Variants in WDR55 observed in about 807,000 individuals in gnomAD.
WDR55 encodes WD repeat-containing protein 55.
Under a neutral mutation model 34.0 loss-of-function variants are expected in WDR55, and 31 were observed. The ratio of observed to expected loss-of-function variants is 0.91; its 90% CI spans 0.69 to 1.23. The LOEUF (loss-of-function observed/expected upper bound fraction) is 1.23. WDR55 is among the 50% of genes most tolerant of loss of function. The probability of loss-of-function intolerance (pLI) is 0.00; values close to 1 mark genes in which losing one functional copy is unlikely to be tolerated. For synonymous variants in WDR55, 164 were observed against 185.9 expected, an observed-to-expected ratio of 0.88 and a Z score of 0.96; for missense variants, 440 against 494.6, an observed-to-expected ratio of 0.89 and a Z score of 1.05.
At chr5:140,666,437 T>A (rs566105245) in intron 1 of WDR55, 1 of 167,138 alleles carries the variant, frequency 6.0e-6, no homozygotes, top group East Asian at 1.9e-4. Context: ...GCATGTGCTA[T>A]TCTGTCCGGA....
Position 140,668,405 on chromosome 5 carries a change from T to C in WDR55, c.293-10T>C. The stretch of plus-strand genomic sequence containing the variant: ...TGAGCAGCACCATGACCTGGGCACC[T>C]TTTCCCCAGAGCTCATTACTGTCTC... On this transcript the variant is annotated splice_polypyrimidine_tract_variant and intron_variant, in intron 2 of 6. Coordinates refer to ENST00000358337, the MANE Select transcript of WDR55 (RefSeq NM_017706.5). 1 of 1,614,094 alleles carries C rather than the reference T, an allele frequency of 6.2e-7. No individual in the cohort carries two copies. The highest frequency in any genetic ancestry group is 8.5e-7 in the Non-Finnish European group (1 of 1,180,012).
In WDR55 at chr5:140,669,645, C is replaced by T. The variant is rs984775806; in HGVS notation, c.1143C>T (p.Asp381=). 6.2e-7 allele frequency: 1 copy of T among 1,612,250 alleles called. No homozygotes were observed. Among genetic ancestry groups the T allele is most frequent in the Non-Finnish European group, 8.5e-7 (1 of 1,178,880 alleles). Residue 381 remains aspartate (D), a synonymous_variant, in exon 7 of 7, where the codon GAC becomes GAT. Coordinates refer to ENST00000358337, the MANE Select transcript of WDR55 (RefSeq NM_017706.5). ...AQEEKEETGD[D]SD ...AAGAAAAGGAGGAGACTGGGGATGA[C>T]AGTGACTGAAGGAATGAATTGAATC... is the stretch of plus-strand genomic sequence containing the variant.
chr5:140,669,594 A>AG lies in WDR55; in HGVS notation c.1093dup (p.Glu365GlyfsTer17). The AG allele has an allele frequency of 6.2e-7, 1 of 1,614,162 alleles. No homozygotes were observed. The highest frequency in any genetic ancestry group is 8.5e-7 in the Non-Finnish European group (1 of 1,180,012). On this transcript the variant is annotated frameshift_variant, in exon 7 of 7. Coordinates refer to ENST00000358337, the MANE Select transcript of WDR55 (RefSeq NM_017706.5). LOFTEE classifies it high-confidence loss of function. ...ATGACTTCTTCGCAGGACTGAGGGAAGAGGGAGAAGACTCCATGGCTCAGG... is the reference window on the plus strand; with the variant it reads ...ATGACTTCTTCGCAGGACTGAGGGAAGGAGGGAGAAGACTCCATGGCTCAGG...
rs929116535 is a variant in WDR55 at position 140,671,219 on chromosome 5, C to G, written c.*1565C>G. On this transcript the variant is annotated 3_prime_UTR_variant, in exon 7 of 7. Coordinates refer to ENST00000358337, the MANE Select transcript of WDR55 (RefSeq NM_017706.5). ...ACCTTTGGGGGTCAGAAAGTGGCCACCCAGGCCTGCTGGGATGGGGCCTGA... is the reference window on the plus strand; with the variant it reads ...ACCTTTGGGGGTCAGAAAGTGGCCAGCCAGGCCTGCTGGGATGGGGCCTGA... The G allele has an allele frequency of 1.3e-6, 2 of 1,596,970 alleles. No homozygotes were observed. Among genetic ancestry groups the G allele is most frequent in the African/African-American group, 2.7e-5 (2 of 74,616 alleles).
At chr5:140,665,158 C>G in intron 1 of WDR55, 55 bp downstream of exon 1, 2 of 1,504,434 alleles carry the variant, frequency 1.3e-6, no homozygotes, top group Non-Finnish European at 1.8e-6. Context: ...GGGGGTGGAC[C>G]TGGGAACAGG....
chr5:140,669,680 G>T lies in WDR55; in HGVS notation c.*26G>T, dbSNP rs1291735620. 6.3e-7 allele frequency: 1 copy of T among 1,591,488 alleles called. No individual in the cohort carries two copies. The highest frequency in any genetic ancestry group is 8.6e-7 in the Non-Finnish European group (1 of 1,166,214). ...AGGAATGAATTGAATCTTGAGACGGGTCCTCACCAGGCAAGAGTCTTGCTT... is the reference window on the plus strand; with the variant it reads ...AGGAATGAATTGAATCTTGAGACGGTTCCTCACCAGGCAAGAGTCTTGCTT... On this transcript the variant is annotated 3_prime_UTR_variant, in exon 7 of 7. Coordinates refer to ENST00000358337, the MANE Select transcript of WDR55 (RefSeq NM_017706.5).
rs1758025558 is a variant in WDR55 at position 140,669,716 on chromosome 5, A to T, written c.*62A>T. The T allele has an allele frequency of 2.1e-6, 3 of 1,461,284 alleles. No homozygotes were observed. The highest frequency in any genetic ancestry group is 2.8e-6 in the Non-Finnish European group (3 of 1,074,934). The allele number at this position is 1,461,284 out of a possible 1,614,324, so 90.5% of individuals were successfully genotyped here. A position where few individuals can be genotyped will look rare whatever the true frequency, so the allele number is the denominator to read the frequency against. On this transcript the variant is annotated 3_prime_UTR_variant, in exon 7 of 7. Transcript: ENST00000358337. ...GCAAGAGTCTTGCTTATTGGGCTGC[A>T]TCCCCAGAGAGGATATGAATTATTT...
At chr5:140,665,243 T>C in intron 1 of WDR55, 140 bp downstream of exon 1, 1 of 715,978 alleles carries the variant, frequency 1.4e-6, no homozygotes, top group South Asian at 2.0e-5. Context: ...AACATTCGGC[T>C]CTTCTATCAC....
chr5:140,666,769 C>G (rs912525227), intron 1 of WDR55: 4 of 985,242 alleles, frequency 4.1e-6, no homozygotes, highest in Non-Finnish European at 4.8e-6. Context: ...AAATGCTGAT[C>G]GTAGCTTACT....
rs1758064930 is a variant in WDR55 at position 140,671,233 on chromosome 5, G to A, written c.*1579G>A. 2 of 1,604,752 alleles carry A rather than the reference G, an allele frequency of 1.2e-6. No individual in the cohort carries two copies. The highest frequency in any genetic ancestry group is 1.7e-5 in the Admixed American group (1 of 59,998). ...GAAAGTGGCCACCCAGGCCTGCTGG[G>A]ATGGGGCCTGACACAGGCTCTGCAT... is the stretch of plus-strand genomic sequence containing the variant. On this transcript the variant is annotated 3_prime_UTR_variant, in exon 7 of 7. Transcript: ENST00000358337.
Position 140,670,554 on chromosome 5 carries a change from G to A in WDR55, c.*900G>A. 6.6e-6 allele frequency: 1 copy of A among 151,750 alleles called. No individual in the cohort carries two copies. The allele number at this position is 151,750 out of a possible 1,614,324, so 9.4% of individuals were successfully genotyped here. ...AGTAGAGACGGGGTTTCTCCATGCTGGCCAGGCTGGTCTCGAACTCCTGAC... is the reference window on the plus strand; with the variant it reads ...AGTAGAGACGGGGTTTCTCCATGCTAGCCAGGCTGGTCTCGAACTCCTGAC... On this transcript the variant is annotated 3_prime_UTR_variant, in exon 7 of 7. Transcript: ENST00000358337.
chr5:140,666,854 T>G, intron 1 of WDR55: 1 of 984,882 alleles, frequency 1.0e-6, no homozygotes. Flanking sequence ...TTCTCTATTT[T>G]ATCTCCAACC....
Position 140,671,001 on chromosome 5 carries a change from G to A in WDR55, c.*1347G>A, listed in dbSNP as rs1307621157. 1 of 520,898 alleles carries A rather than the reference G, an allele frequency of 1.9e-6. No individual in the cohort carries two copies. Among genetic ancestry groups the A allele is most frequent in the East Asian group, 3.4e-5 (1 of 29,828 alleles). 32.3% of individuals were successfully genotyped at this position (520,898 alleles called of 1,614,324 possible). A position where few individuals can be genotyped will look rare whatever the true frequency, so the allele number is the denominator to read the frequency against. ...GATTCATGCTAAGCTGTGGCAGAGG[G>A]GGGAAGGTATGATCGGGTGGGGGTG... On this transcript the variant is annotated 3_prime_UTR_variant, in exon 7 of 7. Coordinates refer to ENST00000358337, the MANE Select transcript of WDR55 (RefSeq NM_017706.5).
Position 140,668,628 on chromosome 5 carries a change from C to T in WDR55, c.397C>T (p.Leu133Phe). The change falls in exon 4 of 7, where the codon CTT (leucine) becomes TTT (phenylalanine). Residue 133 changes from leucine (L) to phenylalanine (F), a missense_variant. Leu to Phe is a conservative substitution (Grantham distance 22, BLOSUM62 0). Coordinates refer to ENST00000358337, the MANE Select transcript of WDR55 (RefSeq NM_017706.5). ...SKAHGAPINS[L>F]LLVDENVLAT... ...TGTCTCTAGTGCCCCCATCAATAGT[C>T]TTCTGCTGGTGGATGAGAATGTTCT... is the stretch of plus-strand genomic sequence containing the variant. 6.2e-7 allele frequency: 1 copy of T among 1,613,742 alleles called. No homozygotes were observed. The highest frequency in any genetic ancestry group is 8.5e-7 in the Non-Finnish European group (1 of 1,179,778).
At position 140,672,120 on chromosome 5, in the gene WDR55, T is replaced by TA. The variant is rs1026435952; in HGVS notation, c.*2471dup. 1 of 545,044 alleles carries TA rather than the reference T, an allele frequency of 1.8e-6. No individual in the cohort carries two copies. The highest frequency in any genetic ancestry group is 1.9e-5 in the African/African-American group (1 of 52,842). The allele number at this position is 545,044 out of a possible 1,614,324, so 33.8% of individuals were successfully genotyped here. A position where few individuals can be genotyped will look rare whatever the true frequency, so the allele number is the denominator to read the frequency against. Reference sequence around the variant, plus strand: ...TCTGAGGAAACAGATTCTATAGTAGTAAAAAGCTCAGTTGGATTCCCTTGA... The same window carrying TA: ...TCTGAGGAAACAGATTCTATAGTAGTAAAAAAGCTCAGTTGGATTCCCTTGA... On this transcript the variant is annotated 3_prime_UTR_variant, in exon 7 of 7. Coordinates refer to ENST00000358337, the MANE Select transcript of WDR55 (RefSeq NM_017706.5).
In WDR55 at chr5:140,669,599, G is replaced by A; in HGVS notation, c.1097G>A (p.Gly366Glu). 6.2e-7 allele frequency: 1 copy of A among 1,614,164 alleles called. No homozygotes were observed. The highest frequency in any genetic ancestry group is 8.5e-7 in the Non-Finnish European group (1 of 1,180,010). Reference sequence around the variant, plus strand: ...TTCTTCGCAGGACTGAGGGAAGAGGGAGAAGACTCCATGGCTCAGGAAGAA... The same window carrying A: ...TTCTTCGCAGGACTGAGGGAAGAGGAAGAAGACTCCATGGCTCAGGAAGAA... ...DDFFAGLREE[G>E]EDSMAQEEKE... The change falls in exon 7 of 7, where the codon GGA (glycine) becomes GAA (glutamate). Residue 366 changes from glycine to glutamate, a missense_variant. Gly to Glu is a moderately conservative substitution (Grantham distance 98). Transcript: ENST00000358337.
At position 140,670,463 on chromosome 5, in the gene WDR55, C is replaced by G. The variant is rs1470457740; in HGVS notation, c.*809C>G. The G allele has an allele frequency of 6.6e-6, 1 of 152,204 alleles. No homozygotes were observed. The highest frequency in any genetic ancestry group is 1.5e-5 in the Non-Finnish European group (1 of 68,222). The allele number at this position is 152,204 out of a possible 1,614,324, so 9.4% of individuals were successfully genotyped here. On this transcript the variant is annotated 3_prime_UTR_variant, in exon 7 of 7. Coordinates refer to ENST00000358337, the MANE Select transcript of WDR55 (RefSeq NM_017706.5). ...TCCCGGGTTCAAGCAATTCTCCTGC[C>G]TCAGCCTCCCAAGTAGCTGGGATTA...
intron 1 of WDR55, among the ~76,000 whole-genome samples, chr5:140,665,524 A>G (rs1031107348): frequency 1.3e-5 from 2 of 151,546 alleles, no homozygotes; most frequent in African/African-American, 4.8e-5. Flanking sequence ...CGCCCGGCTA[A>G]TTTTTTTTGT....
chr5:140,670,928 C>T lies in WDR55; in HGVS notation c.*1274C>T, dbSNP rs111716569. On this transcript the variant is annotated 3_prime_UTR_variant, in exon 7 of 7. Transcript: ENST00000358337. ...TGACCCCTTTGGCTCAGCTGCCCTT[C>T]CCCACAAATAAAAACCAACAAAGAG... The T allele has an allele frequency of 3.2e-6, 1 of 308,270 alleles. No individual in the cohort carries two copies. Among genetic ancestry groups the T allele is most frequent in the Non-Finnish European group, 6.2e-6 (1 of 162,204 alleles). The allele number at this position is 308,270 out of a possible 1,614,324, so 19.1% of individuals were successfully genotyped here. A position where few individuals can be genotyped will look rare whatever the true frequency, so the allele number is the denominator to read the frequency against.
Sources: allele counts gnomAD v4.1 joint callset (sites outside exome capture counted in the v4.1 genomes callset), GRCh38; gene constraint gnomAD v4.1.1; transcripts MANE v1.5; gene names NCBI Gene and HGNC (gene_info 2026-07-23, HGNC 2026-07-21).